The following NCOA2 variants were observed in gnomAD, a reference collection of about 807,000 sequenced individuals.
NCOA2 encodes the protein nuclear receptor coactivator 2.
NCOA2 carries 21 observed loss-of-function variants against 145.1 expected under a neutral mutation model. The ratio of observed to expected loss-of-function variants is 0.14; its 90% CI spans 0.10 to 0.21. The LOEUF is 0.21. Among genes scored for constraint, NCOA2 ranks in the 10% least tolerant of loss-of-function variants. The pLI, the probability that NCOA2 is intolerant of heterozygous loss-of-function variation, is 1.00. For missense variants in NCOA2, 1,472 were observed against 1,837.6 expected (o/e 0.80, Z 3.64); for synonymous variants, 619 against 637.5 (o/e 0.97, Z 0.44).
chr8:70,113,563 C>G lies in NCOA2; in HGVS notation c.*69G>C. 1 of 1,520,984 alleles carries G rather than the reference C, an allele frequency of 6.6e-7. No individual in the cohort carries two copies. Among genetic ancestry groups the G allele is most frequent in the Non-Finnish European group, 8.9e-7 (1 of 1,119,318 alleles). The allele number at this position is 1,520,984 out of a possible 1,614,324, so 94.2% of individuals were successfully genotyped here. ...GTTGGGTTGAAACAAATAGACACAG[C>G]TCTCCAGACTGGAAGTGTTTTGAGC... On this transcript the variant is annotated 3_prime_UTR_variant, in exon 23 of 23. Coordinates refer to ENST00000452400, the MANE Select transcript of NCOA2 (RefSeq NM_006540.4).
intron 21 of NCOA2, among the ~76,000 whole-genome samples, chr8:70,123,158 T>G (rs1808013199): frequency 6.6e-6 from 1 of 152,242 alleles, no homozygotes; most frequent in Non-Finnish European, 1.5e-5. Context: ...AGGAACAGAA[T>G]CATTTTGATG....
chr8:70,416,191 T>TTTG, the NCOA2 span, among the ~76,000 whole-genome samples: 2 of 140,482 alleles, frequency 1.4e-5, no homozygotes, highest in Admixed American at 6.8e-5. Context: ...ACCTCAGTTT[T>TTTG]TTTGTTTTTT....
the NCOA2 span, among the ~76,000 whole-genome samples, chr8:70,453,368 C>T: frequency 2.0e-5 from 3 of 152,198 alleles, no homozygotes; most frequent in Non-Finnish European, 2.9e-5. Flanking sequence ...GAAATTACCA[C>T]GGACAGGAGT....
chr8:70,365,389 A>G (rs1810602780), intron 1 of NCOA2, among the ~76,000 whole-genome samples: 1 of 152,212 alleles, frequency 6.6e-6, no homozygotes, highest in Admixed American at 6.5e-5. Flanking sequence ...AGGTATGACA[A>G]CCATAAATAA....
intron 1 of NCOA2, among the ~76,000 whole-genome samples, chr8:70,326,115 A>G (rs1032759374): frequency 1.3e-5 from 2 of 152,174 alleles, no homozygotes; most frequent in African/African-American, 4.8e-5. Flanking sequence ...ACTTTTGTCA[A>G]TTCTTCCTAG....
chr8:70,227,697 G>GATACCAATTTTATCTCATAAAAA (rs1360684867), intron 2 of NCOA2, among the ~76,000 whole-genome samples: 2 of 152,066 alleles, frequency 1.3e-5, no homozygotes, highest in Admixed American at 1.3e-4. Context: ...GCTCCAAAAA[G>GATACCAATTTTATCTCATAAAAA]ATACCAATTT....
At chr8:70,345,662 G>T (rs532802577) in intron 1 of NCOA2, among the ~76,000 whole-genome samples, 9 of 152,226 alleles carry the variant, frequency 5.9e-5, no homozygotes, top group Non-Finnish European at 1.2e-4. Flanking sequence ...CTGTTGCTCT[G>T]CAAATCACAG....
At chr8:70,161,794 T>C (rs777386163) in intron 9 of NCOA2, among the ~76,000 whole-genome samples, 1 of 152,102 alleles carries the variant, frequency 6.6e-6, no homozygotes, top group African/African-American at 2.4e-5. Context: ...CAGCTGACAG[T>C]GCATGTGGAG....
At chr8:70,370,341 T>C (rs974632789) in intron 1 of NCOA2, among the ~76,000 whole-genome samples, 1 of 152,218 alleles carries the variant, frequency 6.6e-6, no homozygotes, top group Non-Finnish European at 1.5e-5. Context: ...ATATTTTAAA[T>C]AGTAACAATC....
intron 16 of NCOA2, among the ~76,000 whole-genome samples, chr8:70,131,345 G>C (rs1034919177): frequency 6.6e-6 from 1 of 152,222 alleles, no homozygotes; most frequent in Admixed American, 6.5e-5. Flanking sequence ...AATGATGAAA[G>C]AGTTGCAGCT....
rs539124474 is a variant in NCOA2 at position 70,352,856 on chromosome 8, T to C, written c.-77+50844A>G. On this transcript the variant is annotated intron_variant, in intron 1 of 22. Transcript: ENST00000452400. The stretch of plus-strand genomic sequence containing the variant: ...CAAACATTGTCCTAAATAAAACAGG[T>C]TGACCAGCTGAAATCTTGACTTTGT... Among the ~76,000 whole-genome samples the C allele has an allele frequency of 2.6e-5, 4 of 152,274 alleles. No individual in the cohort carries two copies. In the South Asian group the frequency reaches 6.2e-4, roughly 24 times the overall value.
chr8:70,168,085 A>G (rs898501877), intron 6 of NCOA2, among the ~76,000 whole-genome samples: 1 of 152,246 alleles, frequency 6.6e-6, no homozygotes, highest in African/African-American at 2.4e-5. Flanking sequence ...TCCAGTCATC[A>G]GCTAAAGAAA....
intron 1 of NCOA2, among the ~76,000 whole-genome samples, chr8:70,371,931 T>C (rs1349464060): frequency 6.6e-6 from 1 of 152,212 alleles, no homozygotes; most frequent in Non-Finnish European, 1.5e-5. Context: ...GTCTAATAAG[T>C]AAAACTCATT....
the NCOA2 span, among the ~76,000 whole-genome samples, chr8:70,439,564 A>G: frequency 3.9e-5 from 6 of 152,246 alleles, no homozygotes; most frequent in Non-Finnish European, 7.3e-5. Context: ...TATGAGTAGA[A>G]CGCGTGGCTC....
intron 1 of NCOA2, among the ~76,000 whole-genome samples, chr8:70,326,473 GCACA>G (rs771384690): frequency 4.9e-5 from 7 of 143,424 alleles, no homozygotes; most frequent in Non-Finnish European, 9.3e-5. Flanking sequence ...ACACACACAT[GCACA>G]CACACACACA....
Position 70,403,730 on chromosome 8 carries a change from G to T in NCOA2, c.-107C>A, listed in dbSNP as rs957262013. On this transcript the variant is annotated 5_prime_UTR_variant, in exon 1 of 23. Transcript: ENST00000452400. ...CGGGTCGGTCACGCCGTCAGGTGCC[G>T]GCTGCCGTCGGCGCTGACCTTCGCC... is the stretch of plus-strand genomic sequence containing the variant. 2 of 397,002 alleles carry T rather than the reference G, an allele frequency of 5.0e-6. No homozygotes were observed. Among genetic ancestry groups the T allele is most frequent in the African/African-American group, 4.1e-5 (2 of 48,530 alleles). 24.6% of individuals were successfully genotyped at this position (397,002 alleles called of 1,614,324 possible). A position where few individuals can be genotyped will look rare whatever the true frequency, so the allele number is the denominator to read the frequency against.
In NCOA2 at chr8:70,160,684, A is replaced by AGAGG. The variant is rs1554578998; in HGVS notation, c.977-1033_977-1032insCCTC. On this transcript the variant is annotated intron_variant, in intron 9 of 22. Coordinates refer to ENST00000452400, the MANE Select transcript of NCOA2 (RefSeq NM_006540.4). ...CAGAGAGAGAGAGAGAGAGAGAGGG[A>AGAGG]GAGAGAGAGAGAGAGAGACTGACAT... 7.2e-3 allele frequency among the ~76,000 whole-genome samples: 1,058 copies of AGAGG among 147,822 alleles called. 9 individuals are homozygous for AGAGG. Among genetic ancestry groups the AGAGG allele is most frequent in the African/African-American group, 0.027 (1,009 of 38,058 alleles).
At chr8:70,297,319 T>C (rs1446449447) in intron 1 of NCOA2, among the ~76,000 whole-genome samples, 1 of 152,160 alleles carries the variant, frequency 6.6e-6, no homozygotes, top group Non-Finnish European at 1.5e-5. Flanking sequence ...TAATTTCTTA[T>C]CTCAAGAATT....
intron 2 of NCOA2, among the ~76,000 whole-genome samples, chr8:70,223,791 T>G (rs538427923): frequency 5.9e-5 from 9 of 152,326 alleles, no homozygotes; most frequent in African/African-American, 2.2e-4. Context: ...TTGGAGCTCA[T>G]GAATCCAAAC....
Sources: allele counts gnomAD v4.1 joint callset (sites outside exome capture counted in the v4.1 genomes callset), GRCh38; gene constraint gnomAD v4.1.1; transcripts MANE v1.5; gene names NCBI Gene and HGNC (gene_info 2026-07-23, HGNC 2026-07-21).